Variants in BST1 observed in about 807,000 individuals in gnomAD.
BST1 encodes the protein ADP-ribosyl cyclase/cyclic ADP-ribose hydrolase 2.
A neutral mutation model predicts 40.6 loss-of-function variants in BST1; 49 were observed. The observed-to-expected ratio is 1.21, with a 90% CI of 0.96 to 1.53. The LOEUF is 1.53. Ranked by LOEUF, BST1 falls within the 40% of genes most tolerant of loss-of-function variation. BST1 has a pLI of 0.00. For synonymous variants in BST1, 157 were observed against 159.3 expected (o/e 0.99, Z 0.11); for missense variants, 423 against 395.9 (o/e 1.07, Z -0.58).
the BST1 span, among the ~76,000 whole-genome samples, chr4:15,757,514 C>A: frequency 6.6e-6 from 1 of 152,110 alleles, no homozygotes; most frequent in Admixed American, 6.5e-5. Context: ...CCCCGCCCCG[C>A]AGACTGTTCT....
chr4:15,712,885 G>A (rs1173990386), intron 4 of BST1, among the ~76,000 whole-genome samples: 1 of 152,224 alleles, frequency 6.6e-6, no homozygotes, highest in African/African-American at 2.4e-5. Flanking sequence ...AGAACTGGGA[G>A]GCTACAGAGA....
chr4:15,741,814 G>A (rs879743243), downstream of BST1, among the ~76,000 whole-genome samples: 5 of 152,152 alleles, frequency 3.3e-5, no homozygotes, highest in Admixed American at 2.0e-4. Flanking sequence ...TGCATGGCCC[G>A]CAAAGCGAAA....
chr4:15,710,676 T>C (rs1720146709), intron 3 of BST1, among the ~76,000 whole-genome samples: 1 of 152,252 alleles, frequency 6.6e-6, no homozygotes, highest in Admixed American at 6.5e-5. Context: ...AGTGAGATCA[T>C]GCAATATTTG....
chr4:15,761,126 C>A, the BST1 span, among the ~76,000 whole-genome samples: 1 of 152,062 alleles, frequency 6.6e-6, no homozygotes, highest in African/African-American at 2.4e-5. Context: ...CTCACCTCAA[C>A]CCCCGCCTCC....
intron 1 of BST1, 110 bp downstream of exon 1, chr4:15,703,442 G>C: frequency 2.8e-6 from 4 of 1,424,528 alleles, no homozygotes; most frequent in Non-Finnish European, 3.7e-6. Flanking sequence ...AATGAGAGAG[G>C]CCTTGAGGGG....
downstream of BST1, among the ~76,000 whole-genome samples, chr4:15,740,709 G>T (rs1383018898): frequency 6.6e-6 from 1 of 152,050 alleles, no homozygotes; most frequent in South Asian, 2.1e-4. Context: ...AAAATAAAAT[G>T]TAATTTTATT....
Position 15,732,702 on chromosome 4 carries a change from G to C in BST1, c.*857G>C, listed in dbSNP as rs942041040. The stretch of plus-strand genomic sequence containing the variant: ...CTGAAACTGTTTGGAACTTGTATTA[G>C]TTTGTTCTTGCATTGCTATAAAGAA... On this transcript the variant is annotated 3_prime_UTR_variant, in exon 9 of 9. Transcript: ENST00000265016. 2 of 152,150 alleles carry C rather than the reference G, an allele frequency of 1.3e-5. No individual in the cohort carries two copies. The highest frequency in any genetic ancestry group is 2.9e-5 in the Non-Finnish European group (2 of 68,024). 9.4% of individuals were successfully genotyped at this position (152,150 alleles called of 1,614,324 possible). A position where few individuals can be genotyped will look rare whatever the true frequency, so the allele number is the denominator to read the frequency against.
chr4:15,739,948 A>G (rs1033985908), downstream of BST1, among the ~76,000 whole-genome samples: 3 of 152,014 alleles, frequency 2.0e-5, no homozygotes, highest in Non-Finnish European at 4.4e-5. Flanking sequence ...AGACAGAGAA[A>G]CAGAGAGAGA....
the BST1 span, among the ~76,000 whole-genome samples, chr4:15,757,781 AC>A: frequency 9.9e-4 from 151 of 152,250 alleles, 4 homozygotes; most frequent in East Asian, 0.025. Context: ...AACTTGGACT[AC>A]AGGCATGCGC....
chr4:15,712,705 G>A (rs1720284799), intron 4 of BST1, among the ~76,000 whole-genome samples: 1 of 152,158 alleles, frequency 6.6e-6, no homozygotes, highest in Admixed American at 6.5e-5. Context: ...CCTCCATGGT[G>A]GCTGCAGTTT....
the BST1 span, among the ~76,000 whole-genome samples, chr4:15,757,364 A>G: frequency 1.3e-5 from 2 of 152,148 alleles, no homozygotes; most frequent in East Asian, 3.8e-4. Flanking sequence ...GAGGTAGACC[A>G]TTTGGTTCTC....
At position 15,719,001 on chromosome 4, in the gene BST1, G is replaced by C; in HGVS notation, c.791+8G>C. 6.2e-7 allele frequency: 1 copy of C among 1,611,776 alleles called. No homozygotes were observed. Among genetic ancestry groups the C allele is most frequent in the Admixed American group, 1.7e-5 (1 of 59,774 alleles). Reference sequence around the variant, plus strand: ...CTGTATTAATGATTACCGGTAGGTGGCCTATATATCAATGTGCTCTTGTAG... The same window carrying C: ...CTGTATTAATGATTACCGGTAGGTGCCCTATATATCAATGTGCTCTTGTAG... On this transcript the variant is annotated splice_region_variant and intron_variant, in intron 7 of 8. Coordinates refer to ENST00000265016, the MANE Select transcript of BST1 (RefSeq NM_004334.3).
At chr4:15,751,927 A>G in the BST1 span, among the ~76,000 whole-genome samples, 1 of 152,158 alleles carries the variant, frequency 6.6e-6, no homozygotes, top group Non-Finnish European at 1.5e-5. Flanking sequence ...GCAACAACTC[A>G]TGGCAGTGGG....
At chr4:15,720,333 T>G (rs1374075778) in intron 7 of BST1, among the ~76,000 whole-genome samples, 1 of 152,084 alleles carries the variant, frequency 6.6e-6, no homozygotes, top group Non-Finnish European at 1.5e-5. Context: ...AACATTCAAT[T>G]CTTGGCCGAG....
At chr4:15,710,678 C>T (rs139517106) in intron 3 of BST1, among the ~76,000 whole-genome samples, 1 of 152,268 alleles carries the variant, frequency 6.6e-6, no homozygotes, top group East Asian at 1.9e-4. Flanking sequence ...TGAGATCATG[C>T]AATATTTGTT....
chr4:15,765,089 G>A, the BST1 span, among the ~76,000 whole-genome samples: 1 of 151,868 alleles, frequency 6.6e-6, no homozygotes, highest in Non-Finnish European at 1.5e-5. Context: ...TATGGGGATT[G>A]AACAAGTTAA....
At chr4:15,721,243 T>C (rs552278875) in intron 7 of BST1, among the ~76,000 whole-genome samples, 2 of 152,286 alleles carry the variant, frequency 1.3e-5, no homozygotes, top group Admixed American at 1.3e-4. Flanking sequence ...ACAATTCAGG[T>C]GGCATTGCCT....
At chr4:15,748,068 C>T in the BST1 span, among the ~76,000 whole-genome samples, 107 of 152,254 alleles carry the variant, frequency 7.0e-4, 1 homozygote, top group Non-Finnish European at 1.1e-3. Context: ...AGTGCCTTGC[C>T]AGGTCATTAA....
intron 8 of BST1, chr4:15,723,517 G>C: frequency 1.0e-6 from 1 of 981,748 alleles, no homozygotes; most frequent in Non-Finnish European, 1.2e-6. Context: ...TAAAGTGCTG[G>C]GATTACAGGC....
Sources: gnomAD v4.1 joint callset for allele counts (sites outside exome capture counted in the v4.1 genomes callset) on GRCh38, gnomAD v4.1.1 for gene constraint, MANE v1.5 for transcripts, NCBI Gene and HGNC (gene_info 2026-07-23, HGNC 2026-07-21) for gene names.